SECISBP2L: variants seen among roughly 807,000 people sequenced by gnomAD.
SECISBP2L encodes SECIS binding protein 2 like, also known as selenocysteine insertion sequence-binding protein 2-like.
A neutral mutation model predicts 114.7 loss-of-function variants in SECISBP2L; 43 were observed. The observed-to-expected ratio is 0.38, with a 90% CI of 0.29 to 0.48. The LOEUF (loss-of-function observed/expected upper bound fraction) is 0.48. SECISBP2L is among the 20% of genes least tolerant of loss of function. SECISBP2L has a pLI of 0.98. For synonymous variants in SECISBP2L, 451 were observed against 439.7 expected (o/e 1.03, Z -0.32); for missense variants, 1,136 against 1,301.1 (o/e 0.87, Z 1.95).
chr15:49,005,454 T>C (rs888428540), intron 14 of SECISBP2L, among the ~76,000 whole-genome samples: 3 of 152,118 alleles, frequency 2.0e-5, no homozygotes, highest in Non-Finnish European at 2.9e-5. Context: ...AGTTACCTCA[T>C]CTTGATGCAT....
intron 6 of SECISBP2L, 125 bp from the exon 7 acceptor site, chr15:49,027,605 TTATTA>T: frequency 9.2e-6 from 4 of 433,428 alleles, no homozygotes; most frequent in Non-Finnish European, 1.2e-5. Flanking sequence ...TCTATAAACC[TTATTA>T]TTTTTTTTTT....
In SECISBP2L at chr15:48,990,181, G is replaced by T. The variant is rs1390929795; in HGVS notation, c.*2063C>A. On this transcript the variant is annotated 3_prime_UTR_variant, in exon 18 of 18. Coordinates refer to ENST00000559471, the MANE Select transcript of SECISBP2L (RefSeq NM_001193489.2). ...AATCTAAAATGACAATTCATGTTCA[G>T]AAGAGATATAAAATATAAGAAACCT... is the stretch of plus-strand genomic sequence containing the variant. 1 of 152,600 alleles carries T rather than the reference G, an allele frequency of 6.6e-6. No homozygotes were observed. The highest frequency in any genetic ancestry group is 1.5e-5 in the Non-Finnish European group (1 of 68,032). The allele number at this position is 152,600 out of a possible 1,614,324, so 9.5% of individuals were successfully genotyped here.
intron 3 of SECISBP2L, among the ~76,000 whole-genome samples, chr15:49,033,628 G>A (rs542027830): frequency 1.1e-4 from 16 of 152,174 alleles, no homozygotes; most frequent in African/African-American, 3.9e-4. Flanking sequence ...CTTGAGGTCA[G>A]GAGTTTGGGA....
chr15:49,035,579 T>TG lies in SECISBP2L; in HGVS notation c.282dup (p.Ile95HisfsTer55). On this transcript the variant is annotated frameshift_variant, in exon 3 of 18. Transcript: ENST00000559471. LOFTEE classifies it high-confidence loss of function. ...GAAACAGGCGGCTGAGCAGATATAATGGGATAGGCAAAGTATGGTCCAGTA... is the reference window on the plus strand; with the variant it reads ...GAAACAGGCGGCTGAGCAGATATAATGGGGATAGGCAAAGTATGGTCCAGTA... 6.2e-7 allele frequency: 1 copy of TG among 1,614,172 alleles called. No individual in the cohort carries two copies. The highest frequency in any genetic ancestry group is 8.5e-7 in the Non-Finnish European group (1 of 1,180,028).
chr15:49,035,686 A>T, intron 2 of SECISBP2L, 28 bp from the exon 3 acceptor site: 1 of 1,572,882 alleles, frequency 6.4e-7, no homozygotes, highest in Non-Finnish European at 8.6e-7. Flanking sequence ...AGAAGAACAA[A>T]TCTATTGACA....
chr15:49,030,700 T>C lies in SECISBP2L; in HGVS notation c.665-2018A>G, dbSNP rs577381557. Among the ~76,000 whole-genome samples the C allele has an allele frequency of 7.1e-4, 108 of 152,352 alleles. 3 individuals are homozygous for C. The South Asian group carries it at 0.022, about 30-fold the overall frequency. Reference sequence around the variant, plus strand: ...TCTTCTACCATAGGGTTTCCCTAAGTCTTTAATCAATCTGAAATAGATTTG... The same window carrying C: ...TCTTCTACCATAGGGTTTCCCTAAGCCTTTAATCAATCTGAAATAGATTTG... On this transcript the variant is annotated intron_variant, in intron 4 of 17. Transcript: ENST00000559471.
At chr15:49,010,683 G>T (rs1000892816) in intron 13 of SECISBP2L, among the ~76,000 whole-genome samples, 2 of 152,020 alleles carry the variant, frequency 1.3e-5, no homozygotes, top group Admixed American at 6.6e-5. Context: ...GTTAATTCTT[G>T]TATTTTTTTG....
chr15:49,004,444 G>A (rs992825878), intron 14 of SECISBP2L, among the ~76,000 whole-genome samples: 1 of 152,084 alleles, frequency 6.6e-6, no homozygotes, highest in Admixed American at 6.6e-5. Flanking sequence ...GTTCTGCTCT[G>A]ATCTTAGTTA....
At position 48,992,326 on chromosome 15, in the gene SECISBP2L, C is replaced by T; in HGVS notation, c.3224G>A (p.Ser1075Asn). Residue 1075 changes from serine to asparagine, a missense_variant, in exon 18 of 18, where the codon AGT becomes AAT. By Grantham distance (46) the Ser-to-Asn change is conservative (BLOSUM62 1). Transcript: ENST00000559471. Reference protein sequence around the residue: ...SEAWTADQQASPGQQKSSNCS... With the variant: ...SEAWTADQQANPGQQKSSNCS... Reference sequence around the variant, plus strand: ...GTTGCTGGACTTCTGCTGCCCAGGACTGGCCTGCTGGTCAGCAGTCCATGC... The same window carrying T: ...GTTGCTGGACTTCTGCTGCCCAGGATTGGCCTGCTGGTCAGCAGTCCATGC... 1 of 1,614,156 alleles carries T rather than the reference C, an allele frequency of 6.2e-7. No individual in the cohort carries two copies. Among genetic ancestry groups the T allele is most frequent in the Non-Finnish European group, 8.5e-7 (1 of 1,180,006 alleles).
intron 12 of SECISBP2L, 94 bp downstream of exon 12, chr15:49,012,554 T>A (rs759632622): frequency 1.0e-5 from 13 of 1,275,896 alleles, no homozygotes; most frequent in Non-Finnish European, 1.3e-5. Context: ...CTCACAACAA[T>A]CTGTTGGCTA....
At chr15:49,019,253 T>A (rs1902594572) in intron 8 of SECISBP2L, among the ~76,000 whole-genome samples, 165 bp downstream of exon 8, 1 of 152,132 alleles carries the variant, frequency 6.6e-6, no homozygotes, top group Non-Finnish European at 1.5e-5. Flanking sequence ...TAAATATATA[T>A]AACCAAGACA....
At chr15:49,014,183 A>C (rs1453445380) in intron 11 of SECISBP2L, among the ~76,000 whole-genome samples, 1 of 152,190 alleles carries the variant, frequency 6.6e-6, no homozygotes, top group African/African-American at 2.4e-5. Context: ...AATTTTCTTC[A>C]GCATTTGGTA....
chr15:49,007,441 T>A (rs1484136797), intron 14 of SECISBP2L, among the ~76,000 whole-genome samples: 1 of 152,224 alleles, frequency 6.6e-6, no homozygotes, highest in Non-Finnish European at 1.5e-5. Context: ...ATGGGAGTTT[T>A]ATCTGTAAGC....
At chr15:49,029,217 C>A (rs1902831425) in intron 4 of SECISBP2L, among the ~76,000 whole-genome samples, 1 of 152,066 alleles carries the variant, frequency 6.6e-6, no homozygotes. Context: ...ATACTAAAAC[C>A]ACCATCAACC....
intron 12 of SECISBP2L, among the ~76,000 whole-genome samples, chr15:49,012,439 C>A (rs937640468): frequency 6.6e-6 from 1 of 151,760 alleles, no homozygotes; most frequent in African/African-American, 2.4e-5. Flanking sequence ...AGAAATAATT[C>A]ATTTTCCAGG....
chr15:49,024,807 T>C (rs1902708328), intron 7 of SECISBP2L, among the ~76,000 whole-genome samples: 1 of 152,110 alleles, frequency 6.6e-6, no homozygotes, highest in Admixed American at 6.5e-5. Flanking sequence ...ATCAAACAAA[T>C]ACACTTAAGT....
intron 14 of SECISBP2L, among the ~76,000 whole-genome samples, chr15:49,006,138 C>A (rs559180761): frequency 1.3e-5 from 2 of 152,178 alleles, no homozygotes; most frequent in Admixed American, 1.3e-4. Flanking sequence ...GATGGCCTTA[C>A]CTTTCTGGGT....
At chr15:49,009,775 G>A (rs927560207) in intron 13 of SECISBP2L, among the ~76,000 whole-genome samples, 1 of 152,060 alleles carries the variant, frequency 6.6e-6, no homozygotes, top group Admixed American at 6.5e-5. Flanking sequence ...CCACAGGGAT[G>A]AGGAAGAATA....
intron 2 of SECISBP2L, among the ~76,000 whole-genome samples, chr15:49,036,064 A>G (rs755367011): frequency 1.3e-5 from 2 of 152,218 alleles, no homozygotes; most frequent in Non-Finnish European, 2.9e-5. Flanking sequence ...TAAAGTGACC[A>G]TTGTGTAAGG....
Sources: gnomAD v4.1 joint callset for allele counts (sites outside exome capture counted in the v4.1 genomes callset) on GRCh38, gnomAD v4.1.1 for gene constraint, MANE v1.5 for transcripts, NCBI Gene and HGNC (gene_info 2026-07-23, HGNC 2026-07-21) for gene names.